FAM193B: variants seen among roughly 807,000 people sequenced by gnomAD.
FAM193B encodes protein FAM193B.
Under a neutral mutation model 70.7 loss-of-function variants are expected in FAM193B, and 27 were observed. The ratio of observed to expected loss-of-function variants is 0.38; its 90% CI spans 0.28 to 0.53. The LOEUF (loss-of-function observed/expected upper bound fraction) is 0.53, where lower values mean the gene tolerates loss of function less well. FAM193B is among the 20% of genes least tolerant of loss of function. The probability of loss-of-function intolerance (pLI) is 0.81; values close to 1 mark genes in which losing one functional copy is unlikely to be tolerated. For missense variants in FAM193B, 1,022 were observed against 1,072.5 expected (o/e 0.95, Z 0.66); for synonymous variants, 448 against 436.0 (o/e 1.03, Z -0.34).
At chr5:177,523,844 G>T in intron 7 of FAM193B, 113 bp downstream of exon 7, 1 of 1,209,306 alleles carries the variant, frequency 8.3e-7, no homozygotes, top group East Asian at 2.5e-5. Flanking sequence ...CCTCCCCAAG[G>T]GGTCAGGGCC....
chr5:177,532,450 T>C lies in FAM193B; in HGVS notation c.1268A>G (p.His423Arg). The change falls in exon 5 of 9, where the codon CAC becomes CGC. Residue 423 changes from histidine to arginine, a missense_variant. His to Arg is a conservative substitution (Grantham distance 29). Transcript: ENST00000514747. This position sits in a 1 kb window ranked among gnomAD's most constrained non-coding sequence, Gnocchi z 4.9. ...CDCCYCEFFGHNAEKEKAQLA... is the reference protein window; with the variant it reads ...CDCCYCEFFGRNAEKEKAQLA... ...CTGGGCAGGCTCACTCACCGCATTG[T>C]GGCCGAAGAACTCACAGTAGCAGCA... 1 of 1,610,278 alleles carries C rather than the reference T, an allele frequency of 6.2e-7. No homozygotes were observed. Among genetic ancestry groups the C allele is most frequent in the East Asian group, 2.2e-5 (1 of 44,812 alleles).
chr5:177,530,251 A>C (rs1170634081), intron 5 of FAM193B, among the ~76,000 whole-genome samples: 1 of 152,168 alleles, frequency 6.6e-6, no homozygotes. Flanking sequence ...CTTCAATTAC[A>C]TCTCTGCGCT....
chr5:177,520,215 G>A (rs1262735930), intron 8 of FAM193B, 34 bp from the exon 9 acceptor site: 3 of 152,288 alleles, frequency 2.0e-5, no homozygotes, highest in Non-Finnish European at 2.9e-5. Context: ...ATCACAGTAA[G>A]CAATGAGCCA....
intron 5 of FAM193B, chr5:177,531,139 A>G: frequency 1.1e-6 from 1 of 906,776 alleles, no homozygotes. Context: ...GATGCCTCCC[A>G]AACTCATTCA....
chr5:177,541,579 C>T (rs1040891111), intron 1 of FAM193B, among the ~76,000 whole-genome samples: 4 of 152,080 alleles, frequency 2.6e-5, no homozygotes, highest in African/African-American at 4.8e-5. Context: ...CCACCACGCC[C>T]GGCTAATTTT....
intron 1 of FAM193B, among the ~76,000 whole-genome samples, chr5:177,542,522 T>C (rs752285836): frequency 1.1e-4 from 17 of 152,240 alleles, no homozygotes; most frequent in Non-Finnish European, 2.1e-4. Context: ...ATATGATGAA[T>C]CTAAACTGAC....
chr5:177,554,018 A>T, intron 1 of FAM193B: 1 of 1,313,420 alleles, frequency 7.6e-7, no homozygotes, highest in Non-Finnish European at 9.8e-7. Flanking sequence ...CGGCGGGGAG[A>T]GGGGAGCAGC....
intron 5 of FAM193B, among the ~76,000 whole-genome samples, chr5:177,530,821 G>C (rs917658616): frequency 6.6e-6 from 1 of 152,142 alleles, no homozygotes. Context: ...CCCTCCTGAG[G>C]AGTCTGTACT....
intron 1 of FAM193B, among the ~76,000 whole-genome samples, chr5:177,541,910 G>A (rs1355638182): frequency 6.6e-6 from 1 of 152,152 alleles, no homozygotes; most frequent in Non-Finnish European, 1.5e-5. Flanking sequence ...ATTTAATACA[G>A]TGTAAATGCT....
rs970766637 is a variant in FAM193B at position 177,539,027 on chromosome 5, G to T, written c.331C>A (p.Pro111Thr). ...TTGACGAGCTTTGGCATGAAGTCAG[G>T]GGGCAGCTTCTCACCCTGCAACACC... The part of the protein sequence containing the change: ...GLVLQGEKLP[P>T]DFMPKLVKNL... The change falls in exon 2 of 9, where the codon CCT becomes ACT. Residue 111 changes from proline (P) to threonine (T), a missense_variant. Coordinates refer to ENST00000514747, the MANE Select transcript of FAM193B (RefSeq NM_001190946.3). 6.2e-7 allele frequency: 1 copy of T among 1,613,896 alleles called. No homozygotes were observed. Among genetic ancestry groups the T allele is most frequent in the Non-Finnish European group, 8.5e-7 (1 of 1,179,906 alleles).
chr5:177,525,403 G>A lies in FAM193B; in HGVS notation c.1276-198C>T, dbSNP rs1291934246. On this transcript the variant is annotated intron_variant, in intron 5 of 8. Transcript: ENST00000514747. ...GGTACATGTCCTGGGGGCAGGGGTA[G>A]TCACACCCACAGAGGGTAGGGTTTT... 9 of 437,986 alleles carry A rather than the reference G, an allele frequency of 2.1e-5. No individual in the cohort carries two copies. The East Asian group carries it at 3.2e-4, about 15-fold the overall frequency. The allele number at this position is 437,986 out of a possible 1,614,324, so 27.1% of individuals were successfully genotyped here. A position where few individuals can be genotyped will look rare whatever the true frequency, so the allele number is the denominator to read the frequency against.
Position 177,532,182 on chromosome 5 carries a change from C to T in FAM193B, c.1275+261G>A, listed in dbSNP as rs1212874670. 9.4e-6 allele frequency: 14 copies of T among 1,481,650 alleles called. No individual in the cohort carries two copies. Among genetic ancestry groups the T allele is most frequent in the Non-Finnish European group, 1.3e-5 (14 of 1,113,080 alleles). The allele number at this position is 1,481,650 out of a possible 1,614,324, so 91.8% of individuals were successfully genotyped here. A position where few individuals can be genotyped will look rare whatever the true frequency, so the allele number is the denominator to read the frequency against. ...CATCAGAATCATAGCTTTCTCTCTG[C>T]CATTTCCTTTCCTTTTGCCTAAGGA... On this transcript the variant is annotated intron_variant, in intron 5 of 8. Transcript: ENST00000514747. This position sits in a 1 kb window ranked among gnomAD's most constrained non-coding sequence, Gnocchi z 4.9.
At chr5:177,522,498 A>T (rs540827554) in intron 7 of FAM193B, among the ~76,000 whole-genome samples, 13 of 152,174 alleles carry the variant, frequency 8.5e-5, no homozygotes, top group South Asian at 4.2e-4. Flanking sequence ...ACTTTTTTTT[A>T]AAATTACTAT....
In FAM193B at chr5:177,539,055, T is replaced by C. The variant is rs767781404; in HGVS notation, c.303A>G (p.Gly101=). The change falls in exon 2 of 9, where the codon GGA becomes GGG. Residue 101 remains glycine, a synonymous_variant. Transcript: ENST00000514747. ...GCAGCTTCTCACCCTGCAACACCAG[T>C]CCATTTTGAGAAGGGCCTTCTTCCC... ...KGWEEGPSQN[G]LVLQGEKLPP... 4 of 1,613,924 alleles carry C rather than the reference T, an allele frequency of 2.5e-6. No individual in the cohort carries two copies. In the South Asian group the frequency reaches 4.4e-5, roughly 18 times the overall value.
At chr5:177,521,624 TG>T (rs1761755768) in intron 8 of FAM193B, among the ~76,000 whole-genome samples, 1 of 152,234 alleles carries the variant, frequency 6.6e-6, no homozygotes, top group African/African-American at 2.4e-5. Context: ...GGCAGCCCCA[TG>T]GGTCTGATGG....
At chr5:177,527,154 T>C (rs944678865) in intron 5 of FAM193B, among the ~76,000 whole-genome samples, 1 of 151,544 alleles carries the variant, frequency 6.6e-6, no homozygotes, top group Non-Finnish European at 1.5e-5. Context: ...AGAGAAGGAA[T>C]AGCAAGTGGA....
At chr5:177,541,395 C>A (rs75248469) in intron 1 of FAM193B, among the ~76,000 whole-genome samples, 329 of 152,178 alleles carry the variant, frequency 2.2e-3, no homozygotes, top group African/African-American at 7.6e-3. Context: ...CAATTAAAAT[C>A]TTGTATAGTT....
chr5:177,533,405 C>T (rs1015546663), intron 4 of FAM193B, among the ~76,000 whole-genome samples: 11 of 151,734 alleles, frequency 7.2e-5, no homozygotes, highest in Middle Eastern at 6.8e-3. Context: ...CCCAGGTTCA[C>T]GCCATTCTCC....
At chr5:177,533,711 A>G (rs757362254) in intron 4 of FAM193B, among the ~76,000 whole-genome samples, 1 of 152,206 alleles carries the variant, frequency 6.6e-6, no homozygotes, top group Non-Finnish European at 1.5e-5. Flanking sequence ...GCTTTGCCCA[A>G]CAGGTGGCCA....
Sources: gnomAD v4.1 joint callset for allele counts (sites outside exome capture counted in the v4.1 genomes callset) on GRCh38, gnomAD v4.1.1 for gene constraint, Gnocchi (gnomAD v3.1) non-coding constraint, MANE v1.5 for transcripts, NCBI Gene and HGNC (gene_info 2026-07-23, HGNC 2026-07-21) for gene names.